ROBO2: variants seen among roughly 807,000 people sequenced by gnomAD.
ROBO2 encodes the protein roundabout homolog 2.
ROBO2 carries 53 observed loss-of-function variants against 160.8 expected under a neutral mutation model. The observed-to-expected ratio is 0.33, with a 90% CI of 0.26 to 0.41. The LOEUF (loss-of-function observed/expected upper bound fraction) is 0.41. Among genes scored for constraint, ROBO2 ranks in the 10% least tolerant of loss-of-function variants. The probability of loss-of-function intolerance (pLI) is 1.00; values close to 1 mark genes in which losing one functional copy is unlikely to be tolerated. For missense variants in ROBO2, 1,577 were observed against 1,722.4 expected, an observed-to-expected ratio of 0.92 and a Z score of 1.49; for synonymous variants, 664 against 611.7, an observed-to-expected ratio of 1.09 and a Z score of -1.26.
chr3:76,510,333 T>C (rs1159977723), intron 2 of ROBO2, among the ~76,000 whole-genome samples: 2 of 152,194 alleles, frequency 1.3e-5, no homozygotes, highest in Non-Finnish European at 1.5e-5. Context: ...AAATGTCTTA[T>C]AGAAAAGCAT....
At chr3:76,375,940 T>A (rs1353383037) in intron 2 of ROBO2, among the ~76,000 whole-genome samples, 1 of 152,022 alleles carries the variant, frequency 6.6e-6, no homozygotes, top group Non-Finnish European at 1.5e-5. Context: ...TTTGAATCAT[T>A]TATCTTCTAT....
chr3:76,009,120 T>G (rs946299254), intron 2 of ROBO2, among the ~76,000 whole-genome samples: 2 of 152,180 alleles, frequency 1.3e-5, no homozygotes, highest in Non-Finnish European at 2.9e-5. Flanking sequence ...TTTTTGTTTT[T>G]GAGACTGAGT....
intron 2 of ROBO2, among the ~76,000 whole-genome samples, chr3:77,460,303 C>A (rs2166802): frequency 0.3 from 45,751 of 151,830 alleles, 7,531 homozygotes; most frequent in Admixed American, 0.41. Context: ...GGGAAGATTG[C>A]GGAAATAAAG....
intron 2 of ROBO2, among the ~76,000 whole-genome samples, chr3:77,006,158 G>C (rs563264362): frequency 2.0e-5 from 3 of 151,964 alleles, no homozygotes; most frequent in African/African-American, 7.2e-5. Flanking sequence ...TTTCCTGCCT[G>C]TTATGTTTGT....
At chr3:76,096,291 G>T (rs1320005686) in intron 2 of ROBO2, among the ~76,000 whole-genome samples, 1 of 151,974 alleles carries the variant, frequency 6.6e-6, no homozygotes, top group East Asian at 1.9e-4. Flanking sequence ...TAATAAACTA[G>T]CCAGCATCAT....
chr3:77,199,894 T>C (rs968170776), intron 2 of ROBO2, among the ~76,000 whole-genome samples: 7 of 151,598 alleles, frequency 4.6e-5, no homozygotes, highest in African/African-American at 1.7e-4. Context: ...TCCCAAAGTG[T>C]TGGGATTACA....
chr3:77,196,940 A>T (rs1484905416), intron 2 of ROBO2, among the ~76,000 whole-genome samples: 1 of 151,800 alleles, frequency 6.6e-6, no homozygotes, highest in Non-Finnish European at 1.5e-5. Context: ...TGGCTTAATT[A>T]AAAAAAAGGA....
intron 23 of ROBO2, among the ~76,000 whole-genome samples, chr3:77,624,390 GGAGT>G (rs2094962405): frequency 6.6e-6 from 1 of 152,004 alleles, no homozygotes; most frequent in Non-Finnish European, 1.5e-5. Flanking sequence ...GCTTGTGTAG[GGAGT>G]GAGTACGTGT....
At chr3:76,632,479 G>C (rs553754827) in intron 2 of ROBO2, among the ~76,000 whole-genome samples, 29 of 152,286 alleles carry the variant, frequency 1.9e-4, no homozygotes, top group African/African-American at 6.7e-4. Context: ...TTGCCTCATT[G>C]TGAGGTAAGT....
chr3:77,495,609 G>T (rs140379466), intron 5 of ROBO2, among the ~76,000 whole-genome samples: 1 of 152,256 alleles, frequency 6.6e-6, no homozygotes, highest in Non-Finnish European at 1.5e-5. Context: ...AACCTTGAAG[G>T]GAAGTGCTGG....
intron 2 of ROBO2, among the ~76,000 whole-genome samples, chr3:76,242,799 C>A (rs1453293386): frequency 2.0e-5 from 3 of 152,034 alleles, no homozygotes; most frequent in African/African-American, 7.2e-5. Context: ...GTGGGAAGGT[C>A]GCCTGAGCCC....
chr3:76,133,904 C>G (rs2071328193), intron 2 of ROBO2, among the ~76,000 whole-genome samples: 1 of 152,114 alleles, frequency 6.6e-6, no homozygotes, highest in Non-Finnish European at 1.5e-5. Context: ...CTCACAGACA[C>G]ACCCAGGAGC....
At chr3:77,407,883 G>A (rs980648801) in intron 2 of ROBO2, among the ~76,000 whole-genome samples, 2 of 152,050 alleles carry the variant, frequency 1.3e-5, no homozygotes, top group East Asian at 1.9e-4. Context: ...ATATATAGGT[G>A]GTCATTGACA....
At chr3:77,154,739 C>A (rs1366384562) in intron 2 of ROBO2, among the ~76,000 whole-genome samples, 1 of 151,950 alleles carries the variant, frequency 6.6e-6, no homozygotes, top group African/African-American at 2.4e-5. Flanking sequence ...CAGCTAGAGG[C>A]TTATCTTAAG....
chr3:76,834,116 C>CTTTCTT (rs1559575341), intron 2 of ROBO2, among the ~76,000 whole-genome samples: 55 of 35,778 alleles, frequency 1.5e-3, no homozygotes, highest in African/African-American at 5.7e-3. Flanking sequence ...CTTTCTTTCT[C>CTTTCTT]TCTGTCTCTC....
At chr3:76,621,659 T>A (rs141959104) in intron 2 of ROBO2, among the ~76,000 whole-genome samples, 36 of 152,302 alleles carry the variant, frequency 2.4e-4, no homozygotes, top group Non-Finnish European at 4.1e-4. Context: ...TACTGTGAGG[T>A]TTAAATGAGT....
At chr3:76,015,996 T>A (rs2066394950) in intron 2 of ROBO2, among the ~76,000 whole-genome samples, 1 of 152,198 alleles carries the variant, frequency 6.6e-6, no homozygotes, top group Non-Finnish European at 1.5e-5. Context: ...ATGAGAGAAC[T>A]TTTTGCAGTT....
At chr3:77,177,311 A>T (rs1485560087) in intron 2 of ROBO2, among the ~76,000 whole-genome samples, 1 of 152,000 alleles carries the variant, frequency 6.6e-6, no homozygotes, top group Admixed American at 6.6e-5. Flanking sequence ...CTTTAAATAT[A>T]TGATAATACT....
intron 2 of ROBO2, among the ~76,000 whole-genome samples, chr3:76,834,100 T>TTCTTTCTTTCTTTCTTTCTC (rs2067408621): frequency 6.7e-6 from 1 of 148,288 alleles, no homozygotes. Flanking sequence ...CTTTCTTTCT[T>TTCTTTCTTTCTTTCTTTCTC]TCTTTCTTTC....
Sources: allele counts gnomAD v4.1 joint callset (sites outside exome capture counted in the v4.1 genomes callset), GRCh38; gene constraint gnomAD v4.1.1; transcripts MANE v1.5; gene names NCBI Gene and HGNC (gene_info 2026-07-23, HGNC 2026-07-21).